DMXL2: variants seen among roughly 807,000 people sequenced by gnomAD.
The protein encoded by DMXL2 is Dmx like 2.
DMXL2 carries 103 observed loss-of-function variants against 331.1 expected under a neutral mutation model. That is an observed-to-expected ratio of 0.31 (90% confidence interval 0.27 to 0.37). The LOEUF (loss-of-function observed/expected upper bound fraction) is 0.37, where lower values mean the gene tolerates loss of function less well. Among genes scored for constraint, DMXL2 ranks in the 10% least tolerant of loss-of-function variants. The pLI is 1.00. For missense variants in DMXL2, 3,171 were observed against 3,642.9 expected (o/e 0.87, Z 3.33); for synonymous variants, 1,281 against 1,252.1 (o/e 1.02, Z -0.49).
intron 1 of DMXL2, among the ~76,000 whole-genome samples, chr15:51,620,070 CTAT>C (rs1490869688): frequency 2.0e-5 from 3 of 151,942 alleles, no homozygotes; most frequent in African/African-American, 4.8e-5. Context: ...TTTTATTTTA[CTAT>C]TATTACTATT....
At chr15:51,475,193 A>G (rs1298351340) in intron 27 of DMXL2, among the ~76,000 whole-genome samples, 1 of 152,090 alleles carries the variant, frequency 6.6e-6, no homozygotes, top group Non-Finnish European at 1.5e-5. Context: ...TGAATCCAAC[A>G]TTAAGAAAAA....
intron 1 of DMXL2, among the ~76,000 whole-genome samples, chr15:51,589,107 C>T (rs1055606613): frequency 6.6e-6 from 1 of 152,124 alleles, no homozygotes; most frequent in Non-Finnish European, 1.5e-5. Flanking sequence ...TGGCTAATAA[C>T]CAGCTGGAAA....
chr15:51,457,880 T>A (rs1343042357), intron 36 of DMXL2: 1 of 161,908 alleles, frequency 6.2e-6, no homozygotes, highest in Non-Finnish European at 1.3e-5. Context: ...CATGGTTATA[T>A]CTACTCTGAA....
intron 1 of DMXL2, 42 bp from the exon 2 acceptor site, chr15:51,576,223 A>G (rs2051032896): frequency 7.5e-7 from 1 of 1,325,032 alleles, no homozygotes; most frequent in Non-Finnish European, 9.9e-7. Context: ...TACATAAGAT[A>G]TGTAACTTTT....
intron 13 of DMXL2, among the ~76,000 whole-genome samples, chr15:51,526,432 T>C (rs1272705270): frequency 2.0e-5 from 3 of 152,176 alleles, no homozygotes; most frequent in Non-Finnish European, 1.5e-5. Context: ...CAAGGACAGA[T>C]ACAAGTAAGC....
Position 51,494,273 on chromosome 15 carries a change from T to A in DMXL2, c.4783+751A>T, listed in dbSNP as rs1438182452. Among the ~76,000 whole-genome samples, 4 of 152,238 alleles carry A rather than the reference T, an allele frequency of 2.6e-5. No individual in the cohort carries two copies. The East Asian group carries it at 7.7e-4, about 29-fold the overall frequency. Reference sequence around the variant, plus strand: ...TATGTTTTCAAAGAACATTCATAGGTTAAAGGGTAAGTGCCATGGGTAAGA... The same window carrying A: ...TATGTTTTCAAAGAACATTCATAGGATAAAGGGTAAGTGCCATGGGTAAGA... On this transcript the variant is annotated intron_variant, in intron 19 of 43. Coordinates refer to ENST00000560891, the MANE Select transcript of DMXL2 (RefSeq NM_001378457.1).
intron 3 of DMXL2, chr15:51,568,156 A>T (rs1232001934): frequency 9.1e-6 from 2 of 219,716 alleles, no homozygotes; most frequent in Non-Finnish European, 1.8e-5. Flanking sequence ...TCCTCTGTTG[A>T]GAACAGACAC....
chr15:51,523,927 G>A (rs2047521360), intron 13 of DMXL2, among the ~76,000 whole-genome samples: 1 of 152,114 alleles, frequency 6.6e-6, no homozygotes, highest in African/African-American at 2.4e-5. Context: ...GAATGATTAG[G>A]GAGAAAATCA....
intron 1 of DMXL2, among the ~76,000 whole-genome samples, chr15:51,591,239 C>T (rs1175997940): frequency 6.6e-6 from 1 of 152,244 alleles, no homozygotes; most frequent in East Asian, 1.9e-4. Flanking sequence ...CACCCTAATA[C>T]TGTGCTTTTG....
At position 51,536,600 on chromosome 15, in the gene DMXL2, G is replaced by C. The variant is rs1271545975; in HGVS notation, c.1880C>G (p.Thr627Ser). The C allele has an allele frequency of 6.2e-7, 1 of 1,614,082 alleles. No individual in the cohort carries two copies. Among genetic ancestry groups the C allele is most frequent in the South Asian group, 1.1e-5 (1 of 91,082 alleles). The change falls in exon 12 of 44, where the codon ACT becomes AGT. Residue 627 changes from threonine (T) to serine (S), a missense_variant. This residue lies in a region of DMXL2 where 1,674 missense variants were observed against 1,780.2 expected (regional missense o/e 0.94). Coordinates refer to ENST00000560891, the MANE Select transcript of DMXL2 (RefSeq NM_001378457.1). ...IDGSLNQWAV[T>S]FADKSAFTTV... Reference sequence around the variant, plus strand: ...GGTAAAGGCAGACTTATCAGCAAAAGTGACTGCCCACTGATTTAAAGAACC... The same window carrying C: ...GGTAAAGGCAGACTTATCAGCAAAACTGACTGCCCACTGATTTAAAGAACC...
intron 6 of DMXL2, among the ~76,000 whole-genome samples, chr15:51,560,604 C>T (rs1045556664): frequency 2.2e-4 from 32 of 145,546 alleles, no homozygotes; most frequent in African/African-American, 4.3e-4. Flanking sequence ...AGGAGGTCAA[C>T]GCTGCAATGA....
At chr15:51,457,247 G>A (rs2039708913) in intron 37 of DMXL2, 81 bp downstream of exon 37, 2 of 1,432,768 alleles carry the variant, frequency 1.4e-6, no homozygotes, top group East Asian at 2.4e-5. Flanking sequence ...TGAAATTTAG[G>A]ATCATTCCTA....
At chr15:51,608,912 A>T (rs574937725) in intron 1 of DMXL2, among the ~76,000 whole-genome samples, 1 of 152,348 alleles carries the variant, frequency 6.6e-6, no homozygotes, top group African/African-American at 2.4e-5. Flanking sequence ...AGAGCAAAGT[A>T]ACATATGGGT....
intron 14 of DMXL2, among the ~76,000 whole-genome samples, chr15:51,514,824 G>GA (rs35796044): frequency 0.012 from 1,575 of 126,664 alleles, 23 homozygotes; most frequent in African/African-American, 0.039. Context: ...TGCTTCTCAG[G>GA]AAAAAAAAAA....
chr15:51,452,855 A>C (rs902141918), intron 41 of DMXL2, among the ~76,000 whole-genome samples: 2 of 152,218 alleles, frequency 1.3e-5, no homozygotes, highest in Admixed American at 1.3e-4. Flanking sequence ...ATGTCCATCA[A>C]CCAACAAATG....
At chr15:51,515,160 A>C (rs943887289) in intron 14 of DMXL2, among the ~76,000 whole-genome samples, 2 of 152,202 alleles carry the variant, frequency 1.3e-5, no homozygotes, top group Non-Finnish European at 2.9e-5. Flanking sequence ...GGATGGATGA[A>C]ACATCACTGT....
In DMXL2 at chr15:51,478,261, T is replaced by C; in HGVS notation, c.6833+10A>G. On this transcript the variant is annotated intron_variant, in intron 26 of 43. Coordinates refer to ENST00000560891, the MANE Select transcript of DMXL2 (RefSeq NM_001378457.1). ...CTGTATTAATACTATTTTGGGTGAT[T>C]TTTTTTTACCTGTAGCTATGACTGT... is the stretch of plus-strand genomic sequence containing the variant. The C allele has an allele frequency of 5.6e-6, 8 of 1,437,228 alleles. No individual in the cohort carries two copies. Among genetic ancestry groups the C allele is most frequent in the Non-Finnish European group, 7.3e-6 (8 of 1,090,374 alleles). The allele number at this position is 1,437,228 out of a possible 1,614,324, so 89.0% of individuals were successfully genotyped here.
In DMXL2 at chr15:51,503,124, A is replaced by G. The variant is rs2043801919; in HGVS notation, c.2765-91T>C. 5 of 923,898 alleles carry G rather than the reference A, an allele frequency of 5.4e-6. No homozygotes were observed. In the African/African-American group the frequency reaches 8.4e-5, roughly 15 times the overall value. The allele number at this position is 923,898 out of a possible 1,614,324, so 57.2% of individuals were successfully genotyped here. ...ATTACTTTGTTATTATTTAAGAAAC[A>G]TAGCTTCTTAAAAGTATTTTGGAGG... On this transcript the variant is annotated intron_variant, in intron 16 of 43. Transcript: ENST00000560891.
chr15:51,547,945 T>C (rs74013299), intron 6 of DMXL2, among the ~76,000 whole-genome samples: 274 of 152,268 alleles, frequency 1.8e-3, no homozygotes, highest in African/African-American at 6.4e-3. Flanking sequence ...TCTTCTTTTT[T>C]TCTTACATCC....
Sources: gnomAD v4.1 joint callset for allele counts (sites outside exome capture counted in the v4.1 genomes callset) on GRCh38, gnomAD v4.1.1 for gene constraint, gnomAD v4.1.1 regional missense constraint, MANE v1.5 for transcripts, NCBI Gene and HGNC (gene_info 2026-07-23, HGNC 2026-07-21) for gene names.